Variants in SLC22A3 observed in about 807,000 individuals in gnomAD.
SLC22A3 encodes EMT organic cation transporter 3.
In SLC22A3, 51 loss-of-function variants were observed where a neutral mutation model predicts 59.1. The ratio of observed to expected loss-of-function variants is 0.86; its 90% CI spans 0.69 to 1.09. The LOEUF (loss-of-function observed/expected upper bound fraction) is 1.09. SLC22A3 is among the 50% of genes least tolerant of loss of function. The probability of loss-of-function intolerance (pLI) is 0.00; values close to 1 mark genes in which losing one functional copy is unlikely to be tolerated. For missense variants in SLC22A3, 711 were observed against 726.3 expected (o/e 0.98, Z 0.24); for synonymous variants, 325 against 292.0 (o/e 1.11, Z -1.15).
Position 160,384,512 on chromosome 6 carries a change from G to A in SLC22A3, c.430-13467G>A, listed in dbSNP as rs192410839. 2.0e-3 allele frequency among the ~76,000 whole-genome samples: 308 copies of A among 152,278 alleles called. 1 individual carries two copies. The highest frequency in any genetic ancestry group is 3.4e-3 in the Non-Finnish European group (233 of 68,018). On this transcript the variant is annotated intron_variant, in intron 1 of 10. Coordinates refer to ENST00000275300, the MANE Select transcript of SLC22A3 (RefSeq NM_021977.4). Reference sequence around the variant, plus strand: ...GAAGGCGGGAGACAGGAGCATTCAGGGAGGGGCAACTCACACCTTAGAGAC... The same window carrying A: ...GAAGGCGGGAGACAGGAGCATTCAGAGAGGGGCAACTCACACCTTAGAGAC...
intron 1 of SLC22A3, among the ~76,000 whole-genome samples, chr6:160,373,760 G>A (rs1785485538): frequency 6.6e-6 from 1 of 152,150 alleles, no homozygotes; most frequent in Non-Finnish European, 1.5e-5. Flanking sequence ...ACCAAGCTTT[G>A]GTGAGCTCTG....
At chr6:160,349,042 G>A (rs1784573895) in intron 1 of SLC22A3, 194 bp downstream of exon 1, 1 of 985,476 alleles carries the variant, frequency 1.0e-6, no homozygotes, top group South Asian at 4.7e-5. Context: ...AAAGCCTTTC[G>A]TTATCTGCCT....
At chr6:160,352,316 T>C (rs1277601040) in intron 1 of SLC22A3, among the ~76,000 whole-genome samples, 1 of 152,250 alleles carries the variant, frequency 6.6e-6, no homozygotes, top group African/African-American at 2.4e-5. Context: ...ATCACCCACA[T>C]TGAACTTCCT....
At chr6:160,413,311 C>T (rs570370966) in intron 5 of SLC22A3, among the ~76,000 whole-genome samples, 6 of 152,352 alleles carry the variant, frequency 3.9e-5, no homozygotes, top group African/African-American at 1.4e-4. Context: ...CAATGTTCCA[C>T]ATGGCTGTGC....
At chr6:160,383,807 T>A (rs980819741) in intron 1 of SLC22A3, among the ~76,000 whole-genome samples, 2 of 152,088 alleles carry the variant, frequency 1.3e-5, no homozygotes, top group African/African-American at 4.8e-5. Context: ...AAAAAAAATA[T>A]ATAAATAAAA....
chr6:160,425,579 A>G (rs1218599364), intron 5 of SLC22A3, among the ~76,000 whole-genome samples: 1 of 151,998 alleles, frequency 6.6e-6, no homozygotes, highest in African/African-American at 2.4e-5. Flanking sequence ...TTATTTAACT[A>G]TACTTATTTT....
chr6:160,441,550 G>A (rs1213134743), intron 7 of SLC22A3, among the ~76,000 whole-genome samples: 1 of 151,238 alleles, frequency 6.6e-6, no homozygotes, highest in African/African-American at 2.4e-5. Context: ...GGATTCTTGA[G>A]CCATCTTTTC....
chr6:160,450,872 C>T, intron 10 of SLC22A3, 124 bp from the exon 11 acceptor site: 1 of 901,282 alleles, frequency 1.1e-6, no homozygotes, highest in Non-Finnish European at 1.8e-6. Context: ...TTGTTGTTAC[C>T]TTAGAGTTGG....
chr6:160,370,499 T>C (rs1187665532), intron 1 of SLC22A3, among the ~76,000 whole-genome samples: 2 of 152,238 alleles, frequency 1.3e-5, no homozygotes, highest in Non-Finnish European at 2.9e-5. Flanking sequence ...CCAGGCATTG[T>C]TAATGCTCTT....
intron 1 of SLC22A3, among the ~76,000 whole-genome samples, chr6:160,349,480 G>GTT (rs34841782): frequency 9.4e-4 from 143 of 151,476 alleles, no homozygotes; most frequent in African/African-American, 2.7e-3. Flanking sequence ...ATAAATTTTA[G>GTT]TTTTTTTTTC....
At position 160,398,091 on chromosome 6, in the gene SLC22A3, C is replaced by T; in HGVS notation, c.533+9C>T. On this transcript the variant is annotated intron_variant, in intron 2 of 10. Coordinates refer to ENST00000275300, the MANE Select transcript of SLC22A3 (RefSeq NM_021977.4). ...GGCTATGCAGCAGACAGGTAGGTAC[C>T]AATGTGACAGCCATTTTATGTCACT... 1 of 1,592,198 alleles carries T rather than the reference C, an allele frequency of 6.3e-7. No homozygotes were observed. The highest frequency in any genetic ancestry group is 8.6e-7 in the Non-Finnish European group (1 of 1,160,246).
intron 1 of SLC22A3, among the ~76,000 whole-genome samples, chr6:160,359,341 A>G (rs1784943058): frequency 6.6e-6 from 1 of 152,238 alleles, no homozygotes; most frequent in African/African-American, 2.4e-5. Context: ...CAATTCTCAT[A>G]ACATTGAATA....
rs1055687432 is a variant in SLC22A3, at chr6:160,451,316, G to GT, written c.*267dup. The GT allele has an allele frequency of 6.6e-6, 3 of 451,216 alleles. No homozygotes were observed. Among genetic ancestry groups the GT allele is most frequent in the African/African-American group, 4.0e-5 (2 of 50,468 alleles). The allele number at this position is 451,216 out of a possible 1,614,324, so 28.0% of individuals were successfully genotyped here. A position where few individuals can be genotyped will look rare whatever the true frequency, so the allele number is the denominator to read the frequency against. The stretch of plus-strand genomic sequence containing the variant: ...CTGTCAGGTGCACAGCCCTTCCTGG[G>GT]TTTTTTTCTTGTGTTCCCTGTGGTC... On this transcript the variant is annotated 3_prime_UTR_variant, in exon 11 of 11. Transcript: ENST00000275300.
At chr6:160,438,178 G>A (rs902917967) in intron 7 of SLC22A3, among the ~76,000 whole-genome samples, 1 of 152,158 alleles carries the variant, frequency 6.6e-6, no homozygotes, top group Non-Finnish European at 1.5e-5. Context: ...GGTAGATGGG[G>A]TGCAGGCCAG....
At position 160,398,078 on chromosome 6, in the gene SLC22A3, G is replaced by C. The variant is rs371944510; in HGVS notation, c.529G>C (p.Asp177His). 17 of 1,612,134 alleles carry C rather than the reference G, an allele frequency of 1.1e-5. No individual in the cohort carries two copies. The highest frequency in any genetic ancestry group is 4.0e-5 in the African/African-American group (3 of 74,878). ...TGAFTLGYAADRYGRIVIYLL... is the reference protein window; with the variant it reads ...TGAFTLGYAAHRYGRIVIYLL... ...AGCATTCACCTTAGGCTATGCAGCA[G>C]ACAGGTAGGTACCAATGTGACAGCC... The change falls in exon 2 of 11, where the codon GAC becomes CAC. Residue 177 changes from aspartate to histidine, a missense_variant. Physicochemically the swap from Asp to His is moderately conservative, Grantham distance 81. Transcript: ENST00000275300.
chr6:160,399,499 A>G (rs566359148), intron 2 of SLC22A3, among the ~76,000 whole-genome samples: 1 of 152,140 alleles, frequency 6.6e-6, no homozygotes, highest in African/African-American at 2.4e-5. Context: ...CTATATTCTC[A>G]TAAGTGATTG....
chr6:160,349,030 G>T (rs1784573552), intron 1 of SLC22A3, 182 bp downstream of exon 1: 1 of 985,364 alleles, frequency 1.0e-6, no homozygotes, highest in Admixed American at 6.1e-5. Context: ...TAAATGCTGG[G>T]AAAAGCCTTT....
chr6:160,372,526 A>G (rs1263196667), intron 1 of SLC22A3, among the ~76,000 whole-genome samples: 2 of 152,126 alleles, frequency 1.3e-5, no homozygotes, highest in Non-Finnish European at 2.9e-5. Context: ...AATTTCCTGA[A>G]TTTGAATGTT....
chr6:160,349,952 G>A (rs1250987704), intron 1 of SLC22A3, among the ~76,000 whole-genome samples: 3 of 152,194 alleles, frequency 2.0e-5, no homozygotes, highest in African/African-American at 7.2e-5. Context: ...GGAGGTAGGA[G>A]CGCCCTTTCT....
Sources: gnomAD v4.1 joint callset for allele counts (sites outside exome capture counted in the v4.1 genomes callset) on GRCh38, gnomAD v4.1.1 for gene constraint, MANE v1.5 for transcripts, NCBI Gene and HGNC (gene_info 2026-07-23, HGNC 2026-07-21) for gene names.